ATP2C1: variants seen among roughly 807,000 people sequenced by gnomAD.
ATP2C1 encodes calcium-transporting ATPase type 2C member 1.
In ATP2C1, 31 loss-of-function variants were observed where a neutral mutation model predicts 120.5. The ratio of observed to expected loss-of-function variants is 0.26; its 90% CI spans 0.19 to 0.35. The LOEUF (loss-of-function observed/expected upper bound fraction) is 0.35, where lower values mean the gene tolerates loss of function less well. ATP2C1 is among the 10% of genes least tolerant of loss of function. The pLI is 1.00. For synonymous variants in ATP2C1, 351 were observed against 358.7 expected (o/e 0.98, Z 0.24); for missense variants, 731 against 1,107.5 (o/e 0.66, Z 4.83).
intron 1 of ATP2C1, among the ~76,000 whole-genome samples, chr3:130,871,864 G>A (rs1241244757): frequency 6.6e-6 from 1 of 151,916 alleles, no homozygotes; most frequent in East Asian, 1.9e-4. Context: ...CTATTAAAAA[G>A]TACAAAAATT....
intron 2 of ATP2C1, among the ~76,000 whole-genome samples, chr3:130,895,301 G>A (rs1384313697): frequency 3.9e-5 from 6 of 152,200 alleles, no homozygotes; most frequent in East Asian, 1.9e-4. Context: ...GTTATGAGAT[G>A]AGTGCTTTTC....
chr3:130,868,364 G>C (rs1193716603), intron 1 of ATP2C1: 1 of 138,176 alleles, frequency 7.2e-6, no homozygotes, highest in East Asian at 2.5e-4. Context: ...GCCCCGTCCA[G>C]GAGGGAGGTG....
At position 130,963,586 on chromosome 3, in the gene ATP2C1, A is replaced by G. The variant is rs969765478; in HGVS notation, c.900-385A>G. The G allele has an allele frequency of 1.8e-5, 4 of 227,316 alleles. No homozygotes were observed. In the East Asian group the frequency reaches 4.4e-4, roughly 25 times the overall value. 14.1% of individuals were successfully genotyped at this position (227,316 alleles called of 1,614,324 possible). On this transcript the variant is annotated intron_variant, in intron 12 of 27. Coordinates refer to ENST00000510168, the MANE Select transcript of ATP2C1 (RefSeq NM_001378687.1). ...TTTGGCCTGTTTCCATCTTTTGGCT[A>G]TCGTGAATAGTGTTGCCGTGAACAT...
chr3:130,855,073 C>G (rs148498984), intron 1 of ATP2C1, among the ~76,000 whole-genome samples: 33 of 152,294 alleles, frequency 2.2e-4, no homozygotes, highest in African/African-American at 7.7e-4. Flanking sequence ...CCTTCCTAAT[C>G]CTTTAGTAAG....
At chr3:130,854,790 G>A (rs1441699029) in intron 1 of ATP2C1, among the ~76,000 whole-genome samples, 1 of 152,184 alleles carries the variant, frequency 6.6e-6, no homozygotes, top group Non-Finnish European at 1.5e-5. Flanking sequence ...CTCCTTGGGT[G>A]AGTTCTTCTA....
intron 5 of ATP2C1, 69 bp downstream of exon 5, chr3:130,934,780 G>C (rs2059595758): frequency 9.2e-7 from 1 of 1,087,028 alleles, no homozygotes; most frequent in Non-Finnish European, 1.4e-6. Flanking sequence ...TTTTATTTTG[G>C]AAAATAAATT....
intron 18 of ATP2C1, among the ~76,000 whole-genome samples, chr3:130,976,926 C>T (rs548565881): frequency 5.6e-4 from 86 of 152,264 alleles, no homozygotes; most frequent in African/African-American, 2.0e-3. Flanking sequence ...TACATTGTAC[C>T]GTCACTCCCT....
chr3:131,014,055 T>A lies in ATP2C1; in HGVS notation c.2630-2097T>A, dbSNP rs749192621. On this transcript the variant is annotated intron_variant, in intron 26 of 26. Coordinates refer to the ATP2C1 transcript ENST00000328560. ...TACATCTAGTTTGATGCAAACTGAG[T>A]TTTATTCAATGTTGGAGGCCTCACT... The A allele has an allele frequency of 3.2e-6, 5 of 1,556,668 alleles. No individual in the cohort carries two copies. The East Asian group carries it at 9.0e-5, about 28-fold the overall frequency.
chr3:130,946,144 G>A, intron 8 of ATP2C1, among the ~76,000 whole-genome samples: 1 of 152,056 alleles, frequency 6.6e-6, no homozygotes, highest in East Asian at 1.9e-4. Context: ...ATTACCACTT[G>A]GGCTAGCAAC....
chr3:130,867,712 C>G (rs1453512530), intron 1 of ATP2C1, among the ~76,000 whole-genome samples: 4 of 145,450 alleles, frequency 2.8e-5, no homozygotes, highest in African/African-American at 1.0e-4. Context: ...CGGCCGCCAC[C>G]CCGTCTGGGA....
intron 19 of ATP2C1, among the ~76,000 whole-genome samples, chr3:130,980,353 C>T (rs1263108676): frequency 1.3e-5 from 2 of 151,568 alleles, no homozygotes; most frequent in Admixed American, 1.3e-4. Context: ...GCAGAGATTA[C>T]AAGCCTGAGC....
intron 1 of ATP2C1, among the ~76,000 whole-genome samples, chr3:130,873,902 G>C (rs981530288): frequency 1.3e-5 from 2 of 151,850 alleles, no homozygotes; most frequent in Non-Finnish European, 2.9e-5. Flanking sequence ...ACAAGGTCAG[G>C]AGTTCTAGAC....
At chr3:130,948,958 G>A (rs998833167) in intron 8 of ATP2C1, among the ~76,000 whole-genome samples, 6 of 152,074 alleles carry the variant, frequency 3.9e-5, no homozygotes, top group East Asian at 3.9e-4. Context: ...TAAATGTTGC[G>A]TGTTTTCTAC....
chr3:130,944,786 T>C (rs887058983), intron 8 of ATP2C1, among the ~76,000 whole-genome samples: 6 of 152,202 alleles, frequency 3.9e-5, no homozygotes, highest in African/African-American at 1.4e-4. Flanking sequence ...GCCAAGATAG[T>C]TTTCCCTTGG....
chr3:130,963,787 C>T (rs2108631371), intron 12 of ATP2C1, 184 bp from the exon 13 acceptor site: 2 of 647,196 alleles, frequency 3.1e-6, no homozygotes, highest in South Asian at 1.9e-5. Flanking sequence ...AACCACTGTG[C>T]TTAACCTGGC....
chr3:130,946,115 A>G (rs925844139), intron 8 of ATP2C1, among the ~76,000 whole-genome samples: 1 of 152,154 alleles, frequency 6.6e-6, no homozygotes, highest in Admixed American at 6.5e-5. Flanking sequence ...TTCTAAATGT[A>G]TCAGACTTCT....
intron 26 of ATP2C1, among the ~76,000 whole-genome samples, chr3:130,998,975 A>G (rs991836465): frequency 2.0e-5 from 3 of 152,180 alleles, no homozygotes; most frequent in Non-Finnish European, 2.9e-5. Flanking sequence ...AGGCATGACT[A>G]TTCATTTCAG....
chr3:130,878,556 C>G (rs2068681630), intron 1 of ATP2C1, among the ~76,000 whole-genome samples: 2 of 152,222 alleles, frequency 1.3e-5, no homozygotes, highest in South Asian at 4.1e-4. Context: ...GTGGGACTTT[C>G]TTAAGCATTT....
At chr3:130,913,704 A>G (rs1553755632) in intron 2 of ATP2C1, among the ~76,000 whole-genome samples, 1 of 152,184 alleles carries the variant, frequency 6.6e-6, no homozygotes, top group Non-Finnish European at 1.5e-5. Context: ...AGAAGCCTGT[A>G]TTCTTAGATC....
Sources: gnomAD v4.1 joint callset for allele counts (sites outside exome capture counted in the v4.1 genomes callset) on GRCh38, gnomAD v4.1.1 for gene constraint, MANE v1.5 for transcripts, NCBI Gene and HGNC (gene_info 2026-07-23, HGNC 2026-07-21) for gene names.